Variants in BACH2 observed in about 807,000 individuals in gnomAD.
The protein encoded by BACH2 is transcription regulator protein BACH2.
In BACH2, 5 loss-of-function variants were observed where a neutral mutation model predicts 61.8. The ratio of observed to expected loss-of-function variants is 0.08; its 90% CI spans 0.04 to 0.17. BACH2 has a LOEUF of 0.17. Ranked by LOEUF, BACH2 falls within the 10% of genes least tolerant of loss-of-function variation. The pLI, the probability that BACH2 is intolerant of heterozygous loss-of-function variation, is 1.00. For synonymous variants in BACH2, 446 were observed against 440.1 expected, an observed-to-expected ratio of 1.01 and a Z score of -0.17; for missense variants, 824 against 1,091.1, an observed-to-expected ratio of 0.76 and a Z score of 3.45.
chr6:90,283,603 C>T (rs570148354), intron 1 of BACH2, among the ~76,000 whole-genome samples: 1 of 152,072 alleles, frequency 6.6e-6, no homozygotes, highest in Non-Finnish European at 1.5e-5. Context: ...TCCCGATCTC[C>T]TGACCTCGTG....
chr6:90,061,325 G>C (rs572808485), intron 5 of BACH2, among the ~76,000 whole-genome samples: 1 of 152,292 alleles, frequency 6.6e-6, no homozygotes, highest in Admixed American at 6.5e-5. Context: ...GGAAGGTGAG[G>C]TACAGGATCC....
intron 4 of BACH2, among the ~76,000 whole-genome samples, chr6:90,185,949 G>A (rs913641023): frequency 6.6e-6 from 1 of 152,196 alleles, no homozygotes; most frequent in Non-Finnish European, 1.5e-5. Context: ...TGCTTGGACA[G>A]TGACACAGAA....
At chr6:90,026,711 C>T (rs778870764) in intron 5 of BACH2, among the ~76,000 whole-genome samples, 9 of 152,160 alleles carry the variant, frequency 5.9e-5, no homozygotes, top group East Asian at 3.9e-4. Context: ...TAAGAGGGCA[C>T]GCGGTTTACA....
At chr6:90,109,604 T>C (rs1022500241) in intron 4 of BACH2, among the ~76,000 whole-genome samples, 1 of 152,212 alleles carries the variant, frequency 6.6e-6, no homozygotes, top group East Asian at 1.9e-4. Context: ...TGAACTTGTA[T>C]ATTCAACATG....
At chr6:90,121,457 AT>A (rs1328100432) in intron 4 of BACH2, among the ~76,000 whole-genome samples, 9 of 152,264 alleles carry the variant, frequency 5.9e-5, no homozygotes, top group African/African-American at 1.9e-4. Flanking sequence ...TTATTTGCTT[AT>A]TTAAATAAAA....
intron 4 of BACH2, among the ~76,000 whole-genome samples, chr6:90,198,815 C>T (rs2127847069): frequency 6.6e-6 from 1 of 152,292 alleles, no homozygotes; most frequent in Middle Eastern, 3.4e-3. Flanking sequence ...TGTGTCCCCA[C>T]CCAAATTTCA....
intron 4 of BACH2, among the ~76,000 whole-genome samples, chr6:90,133,594 G>A (rs984792155): frequency 2.0e-5 from 3 of 151,880 alleles, no homozygotes. Context: ...ACAACGTGCA[G>A]GTTTGTTACA....
At chr6:90,278,248 T>C (rs1771754782) in intron 1 of BACH2, among the ~76,000 whole-genome samples, 1 of 152,238 alleles carries the variant, frequency 6.6e-6, no homozygotes, top group Admixed American at 6.5e-5. Flanking sequence ...AACCATTCTG[T>C]GCTTTTCCAT....
At chr6:90,011,203 C>T (rs1466294038) in intron 5 of BACH2, among the ~76,000 whole-genome samples, 2 of 152,070 alleles carry the variant, frequency 1.3e-5, no homozygotes, top group Non-Finnish European at 2.9e-5. Flanking sequence ...GGTCTATGGC[C>T]CATTTTGAGT....
At chr6:90,065,509 T>C (rs959946927) in intron 5 of BACH2, among the ~76,000 whole-genome samples, 2 of 151,970 alleles carry the variant, frequency 1.3e-5, no homozygotes, top group African/African-American at 4.8e-5. Context: ...TCAGCTCTGC[T>C]GTTGTAGTGC....
intron 8 of BACH2, among the ~76,000 whole-genome samples, chr6:89,933,284 AT>A (rs1312160457): frequency 2.0e-5 from 3 of 152,200 alleles, no homozygotes; most frequent in African/African-American, 7.2e-5. Context: ...TCAGGTTGCC[AT>A]TTTTGAAAGG....
chr6:90,010,491 C>T (rs921396735), intron 5 of BACH2, among the ~76,000 whole-genome samples: 2 of 151,628 alleles, frequency 1.3e-5, no homozygotes, highest in East Asian at 3.9e-4. Context: ...TTTTTTTATC[C>T]ATTCATCTAT....
chr6:90,150,866 T>TGTCA (rs1049791672), intron 4 of BACH2, among the ~76,000 whole-genome samples: 10 of 152,112 alleles, frequency 6.6e-5, no homozygotes, highest in African/African-American at 1.7e-4. Context: ...GCAGTTGGGA[T>TGTCA]GTCAGTCAGT....
intron 2 of BACH2, among the ~76,000 whole-genome samples, chr6:90,260,426 C>T (rs1223826209): frequency 6.6e-6 from 1 of 152,176 alleles, no homozygotes; most frequent in Non-Finnish European, 1.5e-5. Context: ...TGAAATGATA[C>T]TAGACATAAT....
At chr6:90,226,624 A>G (rs1287988195) in intron 3 of BACH2, among the ~76,000 whole-genome samples, 2 of 152,144 alleles carry the variant, frequency 1.3e-5, no homozygotes, top group Admixed American at 6.5e-5. Context: ...ATGCTATTTT[A>G]TAAGTCTATA....
intron 4 of BACH2, among the ~76,000 whole-genome samples, chr6:90,120,284 G>C (rs767178692): frequency 2.0e-5 from 3 of 152,098 alleles, no homozygotes; most frequent in Non-Finnish European, 4.4e-5. Flanking sequence ...CTTTGGCTTC[G>C]TTTCTTTATT....
At chr6:90,218,614 A>T (rs1040514618) in intron 3 of BACH2, among the ~76,000 whole-genome samples, 4 of 151,654 alleles carry the variant, frequency 2.6e-5, no homozygotes, top group Admixed American at 2.6e-4. Context: ...GAGCCCTCCC[A>T]GGAGGGAGGA....
At chr6:90,111,401 A>G (rs1783165097) in intron 4 of BACH2, among the ~76,000 whole-genome samples, 1 of 152,220 alleles carries the variant, frequency 6.6e-6, no homozygotes. Context: ...CTCCTGCTTA[A>G]AACTCCCACT....
intron 4 of BACH2, among the ~76,000 whole-genome samples, chr6:90,097,775 C>T (rs956077861): frequency 2.6e-5 from 4 of 152,164 alleles, no homozygotes; most frequent in African/African-American, 9.7e-5. Flanking sequence ...CCATCCAATA[C>T]ATTTTTAAAG....
Sources: allele counts gnomAD v4.1 joint callset (sites outside exome capture counted in the v4.1 genomes callset), GRCh38; gene constraint gnomAD v4.1.1; transcripts MANE v1.5; gene names NCBI Gene and HGNC (gene_info 2026-07-23, HGNC 2026-07-21).